The following SGMS1 variants were observed in gnomAD, a reference collection of about 807,000 sequenced individuals.
SGMS1 encodes the protein sphingomyelin synthase 1.
A neutral mutation model predicts 46.2 loss-of-function variants in SGMS1; 13 were observed. The ratio of observed to expected loss-of-function variants is 0.28; its 90% confidence interval spans 0.18 to 0.45. The LOEUF (loss-of-function observed/expected upper bound fraction) is 0.45. SGMS1 is among the 20% of genes least tolerant of loss of function. The pLI is 1.00. For synonymous variants in SGMS1, 203 were observed against 187.8 expected (o/e 1.08, Z -0.66); for missense variants, 324 against 519.9 (o/e 0.62, Z 3.66).
chr10:50,491,839 A>G (rs1234508448), intron 3 of SGMS1, among the ~76,000 whole-genome samples: 1 of 152,212 alleles, frequency 6.6e-6, no homozygotes, highest in African/African-American at 2.4e-5. Flanking sequence ...TCATCCTGAT[A>G]CCAAAACCTG....
At chr10:50,513,367 C>A (rs763249743) in intron 3 of SGMS1, among the ~76,000 whole-genome samples, 22 of 152,134 alleles carry the variant, frequency 1.4e-4, no homozygotes, top group Non-Finnish European at 2.5e-4. Context: ...CCTCTGGCCA[C>A]CCCAAGGACC....
intron 5 of SGMS1, among the ~76,000 whole-genome samples, chr10:50,440,300 T>C (rs1329414767): frequency 6.6e-6 from 1 of 151,184 alleles, no homozygotes. Context: ...ATATTTTCTT[T>C]TAAAGTGGCC....
chr10:50,416,089 C>A (rs1018122690), intron 6 of SGMS1, among the ~76,000 whole-genome samples: 1 of 152,174 alleles, frequency 6.6e-6, no homozygotes, highest in Admixed American at 6.5e-5. Context: ...AGAGTAAATG[C>A]ATAATTCCTT....
At chr10:50,530,745 G>A (rs1445676150) in intron 2 of SGMS1, among the ~76,000 whole-genome samples, 24 of 151,756 alleles carry the variant, frequency 1.6e-4, no homozygotes, top group Admixed American at 1.6e-3. Context: ...TCGGCCTCTC[G>A]AAGCACTGGG....
chr10:50,481,891 A>T (rs1837480609), intron 3 of SGMS1, among the ~76,000 whole-genome samples: 1 of 152,246 alleles, frequency 6.6e-6, no homozygotes. Context: ...TACAAGTATC[A>T]AGAGCCGAAT....
chr10:50,416,657 T>C (rs1360788511), intron 6 of SGMS1, among the ~76,000 whole-genome samples: 2 of 152,176 alleles, frequency 1.3e-5, no homozygotes, highest in Non-Finnish European at 2.9e-5. Flanking sequence ...TCTACACTGT[T>C]ACCTTTTACA....
intron 2 of SGMS1, among the ~76,000 whole-genome samples, chr10:50,524,182 G>A (rs1027081841): frequency 6.6e-6 from 1 of 152,110 alleles, no homozygotes; most frequent in Non-Finnish European, 1.5e-5. Context: ...TATTCTTGGG[G>A]CTCTTAGAAC....
intron 2 of SGMS1, among the ~76,000 whole-genome samples, chr10:50,588,159 C>T (rs1838504933): frequency 6.6e-6 from 1 of 152,136 alleles, no homozygotes; most frequent in Non-Finnish European, 1.5e-5. Context: ...CCCGTGATTC[C>T]AGACACAACT....
In SGMS1 at chr10:50,502,583, T is replaced by C. The variant is rs556059427; in HGVS notation, c.-498+17248A>G. On this transcript the variant is annotated intron_variant, in intron 3 of 10. Transcript: ENST00000361781. ...ATTTCACATTTTCCTAATGAGTTTG[T>C]TCTTAAATTCACCAAAATTTTAGTA... Among the ~76,000 whole-genome samples the C allele has an allele frequency of 5.3e-5, 8 of 152,340 alleles. No homozygotes were observed. The South Asian group carries it at 1.2e-3, about 24-fold the overall frequency.
chr10:50,607,145 ATTTTTT>A (rs1298270590), intron 1 of SGMS1, among the ~76,000 whole-genome samples: 1 of 136,380 alleles, frequency 7.3e-6, no homozygotes, highest in Non-Finnish European at 1.6e-5. Flanking sequence ...CACCCAGGTA[ATTTTTT>A]TTTTTTTTTT....
At chr10:50,333,703 G>A (rs1479933516) in intron 7 of SGMS1, among the ~76,000 whole-genome samples, 2 of 152,122 alleles carry the variant, frequency 1.3e-5, no homozygotes, top group African/African-American at 2.4e-5. Context: ...GACTAAACAT[G>A]GTAGAACAGA....
intron 1 of SGMS1, among the ~76,000 whole-genome samples, chr10:50,620,124 C>G (rs1414395206): frequency 6.6e-6 from 1 of 152,236 alleles, no homozygotes; most frequent in Non-Finnish European, 1.5e-5. Context: ...AAGCTACCTT[C>G]CTGGGGCTCC....
intron 6 of SGMS1, among the ~76,000 whole-genome samples, chr10:50,422,171 C>T (rs554395792): frequency 6.6e-6 from 1 of 152,106 alleles, no homozygotes; most frequent in African/African-American, 2.4e-5. Flanking sequence ...GATCCCTGAC[C>T]TTTCACTCTC....
At chr10:50,504,958 G>A (rs909688295) in intron 3 of SGMS1, among the ~76,000 whole-genome samples, 11 of 152,250 alleles carry the variant, frequency 7.2e-5, no homozygotes, top group Admixed American at 3.3e-4. Context: ...AGTAGCTCAC[G>A]CCTGTAACCC....
At chr10:50,559,248 C>T (rs1173404085) in intron 2 of SGMS1, among the ~76,000 whole-genome samples, 1 of 152,344 alleles carries the variant, frequency 6.6e-6, no homozygotes, top group East Asian at 1.9e-4. Flanking sequence ...ACTTCAACTA[C>T]TTTTGTTTCT....
At chr10:50,604,350 G>A (rs549573573) in intron 1 of SGMS1, among the ~76,000 whole-genome samples, 68 of 152,280 alleles carry the variant, frequency 4.5e-4, no homozygotes, top group African/African-American at 1.5e-3. Flanking sequence ...AGAGGTTCCA[G>A]GGACGGTGTC....
In SGMS1 at chr10:50,598,727, G is replaced by A. The variant is rs146788213; in HGVS notation, c.-683-8480C>T. Among the ~76,000 whole-genome samples, 81 of 152,188 alleles carry A rather than the reference G, an allele frequency of 5.3e-4. No homozygotes were observed. The East Asian group carries it at 5.4e-3, about 10-fold the overall frequency. On this transcript the variant is annotated intron_variant, in intron 1 of 10. Transcript: ENST00000361781. ...TCCAGACTGATTTCACCAAATGAGT[G>A]ACTCCATGAAATTATGCAAGCCACA...
At chr10:50,395,856 TG>T (rs748214455) in intron 6 of SGMS1, among the ~76,000 whole-genome samples, 9 of 152,006 alleles carry the variant, frequency 5.9e-5, no homozygotes, top group Non-Finnish European at 1.0e-4. Context: ...AGACAAGAAA[TG>T]GCACAAATCA....
chr10:50,399,103 T>C (rs541717908), intron 6 of SGMS1, among the ~76,000 whole-genome samples: 130 of 152,196 alleles, frequency 8.5e-4, no homozygotes, highest in African/African-American at 1.4e-3. Flanking sequence ...ATGGTGCTGG[T>C]TGTAGAACTC....
Sources: allele counts gnomAD v4.1 joint callset (sites outside exome capture counted in the v4.1 genomes callset), GRCh38; gene constraint gnomAD v4.1.1; transcripts MANE v1.5; gene names NCBI Gene and HGNC (gene_info 2026-07-23, HGNC 2026-07-21).